KCNK2: variants seen among roughly 807,000 people sequenced by gnomAD.
The protein encoded by KCNK2 is potassium two pore domain channel subfamily K member 2.
KCNK2 carries 21 observed loss-of-function variants against 40.5 expected under a neutral mutation model. The observed-to-expected ratio is 0.52, with a 90% CI of 0.37 to 0.75. The LOEUF (loss-of-function observed/expected upper bound fraction) is 0.75, where lower values mean the gene tolerates loss of function less well. KCNK2 is among the 30% of genes least tolerant of loss of function. The pLI, the probability that KCNK2 is intolerant of heterozygous loss-of-function variation, is 0.00. For synonymous variants in KCNK2, 191 were observed against 202.2 expected (o/e 0.94, Z 0.47); for missense variants, 399 against 531.6 (o/e 0.75, Z 2.45).
chr1:215,173,831 T>C lies in KCNK2; in HGVS notation c.823+1648T>C, dbSNP rs1274819966. Among the ~76,000 whole-genome samples, 26 of 152,332 alleles carry C rather than the reference T, an allele frequency of 1.7e-4. 1 individual carries two copies. In the South Asian group the frequency reaches 3.3e-3, roughly 19 times the overall value. On this transcript the variant is annotated intron_variant, in intron 5 of 6. Coordinates refer to ENST00000444842, the MANE Select transcript of KCNK2 (RefSeq NM_001017425.3). ...TTGATGGGGTTGTTTGTTTTTCTCT[T>C]GTAAATTTGTTGGAGTTCATTGTAG...
chr1:215,128,224 A>G (rs1016561406), intron 3 of KCNK2, among the ~76,000 whole-genome samples: 5 of 152,192 alleles, frequency 3.3e-5, no homozygotes, highest in African/African-American at 1.2e-4. Flanking sequence ...TGGGTGAAGA[A>G]AGTTGGAAAG....
intron 3 of KCNK2, among the ~76,000 whole-genome samples, chr1:215,136,663 T>G (rs1286130696): frequency 6.6e-6 from 1 of 152,156 alleles, no homozygotes; most frequent in Non-Finnish European, 1.5e-5. Context: ...GCAGGTGGTG[T>G]TCCAGGTTCT....
chr1:215,086,458 C>A lies in KCNK2; in HGVS notation c.137C>A (p.Ser46Tyr), dbSNP rs1426444226. ...SFSTKPTVLA[S>Y]RVESDTTINV... ...TCCACGAAACCCACAGTGCTTGCTTCCCGGGTGGAGAGTGACACGACCATT... is the reference window on the plus strand; with the variant it reads ...TCCACGAAACCCACAGTGCTTGCTTACCGGGTGGAGAGTGACACGACCATT... Residue 46 changes from serine (S) to tyrosine (Y), a missense_variant, in exon 2 of 7, where the codon TCC (serine) becomes TAC (tyrosine). Physicochemically the swap from Ser to Tyr is moderately radical, Grantham distance 144. This residue lies in a region of KCNK2 where 279 missense variants were observed against 353.8 expected (regional missense o/e 0.79). Transcript: ENST00000444842. The A allele has an allele frequency of 6.2e-7, 1 of 1,613,970 alleles. No individual in the cohort carries two copies. Among genetic ancestry groups the A allele is most frequent in the East Asian group, 2.2e-5 (1 of 44,886 alleles).
At position 215,150,436 on chromosome 1, in the gene KCNK2, C is replaced by T. The variant is rs367768624; in HGVS notation, c.476-18763C>T. On this transcript the variant is annotated intron_variant, in intron 3 of 6. Transcript: ENST00000444842. ...ATTAATTGAATAATTGTTTAATTTCCAACGTTTGTGATGTTTTTAAATGTA... is the reference window on the plus strand; with the variant it reads ...ATTAATTGAATAATTGTTTAATTTCTAACGTTTGTGATGTTTTTAAATGTA... Among the ~76,000 whole-genome samples, 65 of 151,868 alleles carry T rather than the reference C, an allele frequency of 4.3e-4. 2 individuals are homozygous for T. In the South Asian group the frequency reaches 0.013, roughly 29 times the overall value.
At chr1:215,227,617 T>C (rs1666439760) in intron 6 of KCNK2, among the ~76,000 whole-genome samples, 1 of 152,106 alleles carries the variant, frequency 6.6e-6, no homozygotes, top group Non-Finnish European at 1.5e-5. Context: ...AAGTACTAGG[T>C]CGATTTGTGT....
At chr1:215,171,945 C>T (rs1663730405) in intron 4 of KCNK2, 52 bp from the exon 5 acceptor site, 3 of 1,168,130 alleles carry the variant, frequency 2.6e-6, no homozygotes, top group East Asian at 5.0e-5. Context: ...TCTCTCTCCC[C>T]CCATTTATAT....
intron 3 of KCNK2, among the ~76,000 whole-genome samples, chr1:215,149,213 G>A (rs1333878431): frequency 6.6e-6 from 1 of 152,166 alleles, no homozygotes; most frequent in Non-Finnish European, 1.5e-5. Flanking sequence ...AGAATGGAGG[G>A]GTTGTGGTGG....
chr1:215,029,987 CA>C (rs1657129804), intron 1 of KCNK2, among the ~76,000 whole-genome samples: 1 of 152,150 alleles, frequency 6.6e-6, no homozygotes, highest in Non-Finnish European at 1.5e-5. Flanking sequence ...GAGAAATTGC[CA>C]AACTGTCTTC....
At chr1:215,228,562 G>A (rs17024523) in intron 6 of KCNK2, among the ~76,000 whole-genome samples, 3,329 of 152,168 alleles carry the variant, frequency 0.022, 112 homozygotes, top group African/African-American at 0.076. Flanking sequence ...TGACCTGTAG[G>A]AACATTCATT....
At chr1:215,231,669 C>G (rs1042460135) in intron 6 of KCNK2, among the ~76,000 whole-genome samples, 1 of 152,080 alleles carries the variant, frequency 6.6e-6, no homozygotes, top group African/African-American at 2.4e-5. Context: ...TAAAATCAGA[C>G]AGAAAATCAG....
chr1:215,091,790 G>A (rs185819127), intron 2 of KCNK2, among the ~76,000 whole-genome samples: 1 of 152,266 alleles, frequency 6.6e-6, no homozygotes, highest in Admixed American at 6.5e-5. Flanking sequence ...TAAAGAGTGA[G>A]GGAAATAGCC....
chr1:215,182,233 A>T (rs761178727), intron 5 of KCNK2, among the ~76,000 whole-genome samples: 13 of 152,090 alleles, frequency 8.5e-5, no homozygotes, highest in Non-Finnish European at 1.6e-4. Context: ...GCCCCACTGC[A>T]CCATGATCTA....
chr1:215,137,185 A>G (rs1661960216), intron 3 of KCNK2, among the ~76,000 whole-genome samples: 1 of 152,202 alleles, frequency 6.6e-6, no homozygotes, highest in Non-Finnish European at 1.5e-5. Flanking sequence ...TAGGGTTTCC[A>G]TTAGCATTTA....
chr1:215,019,410 C>G (rs2102476735), intron 1 of KCNK2, among the ~76,000 whole-genome samples: 1 of 152,318 alleles, frequency 6.6e-6, no homozygotes, highest in South Asian at 2.1e-4. Flanking sequence ...TAGAGAAACA[C>G]CATGAGCAGG....
At chr1:215,031,098 T>C (rs1657173891) in intron 1 of KCNK2, among the ~76,000 whole-genome samples, 2 of 152,194 alleles carry the variant, frequency 1.3e-5, no homozygotes, top group Non-Finnish European at 2.9e-5. Flanking sequence ...GTTCCATTGA[T>C]TGATTTGTCT....
At chr1:215,055,211 A>G (rs1197557141) in intron 1 of KCNK2, among the ~76,000 whole-genome samples, 1 of 152,230 alleles carries the variant, frequency 6.6e-6, no homozygotes, top group Non-Finnish European at 1.5e-5. Flanking sequence ...CTTAAGATTT[A>G]TCACTCTTTG....
rs1662753782 is a variant in KCNK2, at chr1:215,153,026, CA to C, written c.476-16171del. ...TTCCTATTAGTCAAATAGAACTCTT[CA>C]ATCCAGAGTATATAAACTGCACCCA... On this transcript the variant is annotated intron_variant, in intron 3 of 6. Coordinates refer to ENST00000444842, the MANE Select transcript of KCNK2 (RefSeq NM_001017425.3). 2.0e-5 allele frequency among the ~76,000 whole-genome samples: 3 copies of C among 152,162 alleles called. No homozygotes were observed. In the South Asian group the frequency reaches 6.2e-4, roughly 31 times the overall value.
chr1:215,170,317 T>A (rs1663648786), intron 4 of KCNK2, among the ~76,000 whole-genome samples: 1 of 152,130 alleles, frequency 6.6e-6, no homozygotes, highest in African/African-American at 2.4e-5. Flanking sequence ...TGTATTATAG[T>A]CAACAAAAAA....
intron 3 of KCNK2, among the ~76,000 whole-genome samples, chr1:215,133,724 A>G (rs1300290383): frequency 6.6e-6 from 1 of 152,142 alleles, no homozygotes; most frequent in Admixed American, 6.5e-5. Context: ...GTTTACAAAA[A>G]AAGTACCTGT....
Sources: gnomAD v4.1 joint callset for allele counts (sites outside exome capture counted in the v4.1 genomes callset) on GRCh38, gnomAD v4.1.1 for gene constraint, gnomAD v4.1.1 regional missense constraint, MANE v1.5 for transcripts, NCBI Gene and HGNC (gene_info 2026-07-23, HGNC 2026-07-21) for gene names.